Variants in BTBD7 observed in about 807,000 individuals in gnomAD.
BTBD7 encodes the protein BTB/POZ domain-containing protein 7.
BTBD7 carries 38 observed loss-of-function variants against 99.9 expected under a neutral mutation model. That is an observed-to-expected ratio of 0.38 (90% CI 0.29 to 0.50). The LOEUF (loss-of-function observed/expected upper bound fraction) is 0.50, where lower values mean the gene tolerates loss of function less well. Among genes scored for constraint, BTBD7 ranks in the 20% least tolerant of loss-of-function variants. The pLI is 0.93. For synonymous variants in BTBD7, 520 were observed against 511.4 expected (o/e 1.02, Z -0.23); for missense variants, 1,170 against 1,394.6 (o/e 0.84, Z 2.57).
intron 3 of BTBD7, among the ~76,000 whole-genome samples, chr14:93,286,899 C>T (rs1595311482): frequency 6.6e-6 from 1 of 152,114 alleles, no homozygotes; most frequent in Admixed American, 6.5e-5. Context: ...TTCTCTTGGT[C>T]TCTCTGGTTC....
At chr14:93,308,620 T>G (rs1160868858) in intron 1 of BTBD7, among the ~76,000 whole-genome samples, 1 of 152,070 alleles carries the variant, frequency 6.6e-6, no homozygotes, top group Non-Finnish European at 1.5e-5. Context: ...CACAGATAGA[T>G]GAATGGGAAA....
At chr14:93,288,371 T>C (rs2052806130) in intron 3 of BTBD7, 1 of 621,160 alleles carries the variant, frequency 1.6e-6, no homozygotes, top group Non-Finnish European at 2.8e-6. Flanking sequence ...TTTCCTCAAC[T>C]GTACCTTTCA....
chr14:93,314,788 C>T (rs1015999535), intron 1 of BTBD7, among the ~76,000 whole-genome samples: 6 of 152,124 alleles, frequency 3.9e-5, no homozygotes, highest in African/African-American at 1.2e-4. Context: ...GTCCAAAATG[C>T]TGGACATTAT....
intron 1 of BTBD7, among the ~76,000 whole-genome samples, chr14:93,307,584 A>G (rs181374827): frequency 3.3e-5 from 5 of 152,298 alleles, no homozygotes; most frequent in Non-Finnish European, 5.9e-5. Flanking sequence ...CTCCTACCTC[A>G]GGGCTCTTCC....
chr14:93,302,560 T>A (rs116238515), intron 1 of BTBD7, among the ~76,000 whole-genome samples: 1,723 of 152,076 alleles, frequency 0.011, 31 homozygotes, highest in African/African-American at 0.039. Context: ...TTAAAAGAAA[T>A]AAAGGGCCGG....
intron 1 of BTBD7, among the ~76,000 whole-genome samples, chr14:93,303,497 C>A (rs550086971): frequency 6.6e-6 from 1 of 151,790 alleles, no homozygotes. Flanking sequence ...ACTCGGAAAG[C>A]AGAAACAGGA....
chr14:93,271,785 G>A (rs1464170249), intron 3 of BTBD7, among the ~76,000 whole-genome samples: 2 of 150,514 alleles, frequency 1.3e-5, no homozygotes, highest in East Asian at 3.9e-4. Context: ...CGGGCGGATC[G>A]TTTGGGCTCA....
chr14:93,319,683 TAC>T (rs1478739044), intron 1 of BTBD7, among the ~76,000 whole-genome samples: 1 of 152,150 alleles, frequency 6.6e-6, no homozygotes, highest in African/African-American at 2.4e-5. Flanking sequence ...TCAACGGGCA[TAC>T]AGTTTCAGTT....
At chr14:93,268,207 AGT>A (rs61125202) in intron 3 of BTBD7, among the ~76,000 whole-genome samples, 23,550 of 152,186 alleles carry the variant, frequency 0.15, 2,802 homozygotes, top group African/African-American at 0.33. Flanking sequence ...TGCATCTTTA[AGT>A]CTCAGCTTAG....
chr14:93,251,022 A>C (rs1373118513), intron 8 of BTBD7, among the ~76,000 whole-genome samples: 2 of 152,208 alleles, frequency 1.3e-5, no homozygotes, highest in Non-Finnish European at 2.9e-5. Flanking sequence ...AGTGGTTCTC[A>C]AAATGGGTGA....
chr14:93,279,173 T>G lies in BTBD7; in HGVS notation c.1162+14685A>C, dbSNP rs1758365249. ...AAATGTAATCAGGCCACAAGATTTA[T>G]GATAGTGAGGATAAAGCCAATTGTC... On this transcript the variant is annotated intron_variant, in intron 3 of 10. Coordinates refer to ENST00000334746, the MANE Select transcript of BTBD7 (RefSeq NM_001002860.4). Among the ~76,000 whole-genome samples the G allele has an allele frequency of 3.3e-5, 5 of 152,202 alleles. No individual in the cohort carries two copies. In the South Asian group the frequency reaches 1.0e-3, roughly 31 times the overall value.
chr14:93,289,343 G>A (rs1026337435), intron 3 of BTBD7, among the ~76,000 whole-genome samples: 9 of 152,202 alleles, frequency 5.9e-5, no homozygotes, highest in Non-Finnish European at 1.3e-4. Flanking sequence ...TGATCCCTCA[G>A]TATTCAGACT....
intron 3 of BTBD7, among the ~76,000 whole-genome samples, chr14:93,278,993 A>G (rs1198951678): frequency 6.6e-6 from 1 of 152,244 alleles, no homozygotes; most frequent in East Asian, 1.9e-4. Flanking sequence ...TACACAGAGC[A>G]TAAAACTTTT....
Position 93,246,163 on chromosome 14 carries a change from C to A in BTBD7, c.2245G>T (p.Asp749Tyr). ...PPAETMFTDL[D>Y]SFVAFHPPLP... ...GGTGGATGGAAGGCCACAAAAGAGT[C>A]CAGATCTGTAAACATGGTTTCTGCA... The change falls in exon 10 of 11, where the codon GAC (aspartate) becomes TAC (tyrosine). Residue 749 changes from aspartate to tyrosine, a missense_variant. Around this residue, in one of 4 missense-constraint regions of BTBD7, gnomAD observed 495 missense variants for 525.9 expected, o/e 0.94. Coordinates refer to ENST00000334746, the MANE Select transcript of BTBD7 (RefSeq NM_001002860.4). The A allele has an allele frequency of 6.2e-7, 1 of 1,613,894 alleles. No individual in the cohort carries two copies.
In BTBD7 at chr14:93,294,608, A is replaced by T. The variant is rs748371486; in HGVS notation, c.412T>A (p.Tyr138Asn). The part of the protein sequence containing the change: ...LQKDMADLYE[Y>N]KYCTDVDLIF... ...AAGTCTACATCAGTACAATACTTGT[A>T]CTCATAAAGATCAGCCATATCTTTC... The change falls in exon 3 of 11, where the codon TAC becomes AAC. Residue 138 changes from tyrosine (Y) to asparagine (N), a missense_variant. Physicochemically the swap from Tyr to Asn is moderately radical, Grantham distance 143 (BLOSUM62 -2). Transcript: ENST00000334746. 9 of 1,613,936 alleles carry T rather than the reference A, an allele frequency of 5.6e-6. No individual in the cohort carries two copies. Among genetic ancestry groups the T allele is most frequent in the Admixed American group, 3.3e-5 (2 of 60,006 alleles).
chr14:93,288,307 C>G (rs1159208167), intron 3 of BTBD7: 2 of 588,908 alleles, frequency 3.4e-6, no homozygotes, highest in Non-Finnish European at 5.9e-6. Context: ...TGGATGAATA[C>G]TCTAGTTTTA....
intron 8 of BTBD7, among the ~76,000 whole-genome samples, chr14:93,250,966 A>G (rs1347713096): frequency 6.6e-6 from 1 of 152,002 alleles, no homozygotes; most frequent in Non-Finnish European, 1.5e-5. Flanking sequence ...TTGTAACCTG[A>G]GAAATACCCT....
intron 10 of BTBD7, chr14:93,244,379 A>C (rs916928132): frequency 5.1e-6 from 1 of 194,298 alleles, no homozygotes; most frequent in African/African-American, 2.4e-5. Flanking sequence ...GGCCGGGCGC[A>C]GTGGCCCACG....
intron 1 of BTBD7, among the ~76,000 whole-genome samples, chr14:93,326,208 T>C (rs1241921457): frequency 1.3e-4 from 20 of 152,242 alleles, no homozygotes; most frequent in Admixed American, 1.3e-3. Context: ...GGCTCACACC[T>C]ATAATCCCAG....
Sources: allele counts gnomAD v4.1 joint callset (sites outside exome capture counted in the v4.1 genomes callset), GRCh38; gene constraint gnomAD v4.1.1; regional missense constraint gnomAD v4.1.1; transcripts MANE v1.5; gene names NCBI Gene and HGNC (gene_info 2026-07-23, HGNC 2026-07-21).